SEC11C: variants seen among roughly 807,000 people sequenced by gnomAD.
The protein encoded by SEC11C is signal peptidase complex catalytic subunit SEC11C.
SEC11C carries 10 observed loss-of-function variants against 21.9 expected under a neutral mutation model. The ratio of observed to expected loss-of-function variants is 0.46; its 90% CI spans 0.28 to 0.77. SEC11C has a LOEUF of 0.77. SEC11C is among the 30% of genes least tolerant of loss of function. The pLI, the probability that SEC11C is intolerant of heterozygous loss-of-function variation, is 0.12. For synonymous variants in SEC11C, 83 were observed against 85.6 expected (o/e 0.97, Z 0.17); for missense variants, 145 against 244.5 (o/e 0.59, Z 2.71).
At chr18:59,141,245 G>T (rs2069206932) in intron 1 of SEC11C, among the ~76,000 whole-genome samples, 1 of 152,184 alleles carries the variant, frequency 6.6e-6, no homozygotes, top group Non-Finnish European at 1.5e-5. Context: ...TGTTTAGGAT[G>T]TGGTAGTGTC....
chr18:59,143,332 A>ACT (rs1278211422), intron 1 of SEC11C, among the ~76,000 whole-genome samples: 31 of 140,878 alleles, frequency 2.2e-4, no homozygotes, highest in Non-Finnish European at 4.5e-4. Context: ...CAGTTTGGGC[A>ACT]ACAGAGTGAG....
intron 1 of SEC11C, among the ~76,000 whole-genome samples, chr18:59,144,446 G>T (rs1435750734): frequency 6.6e-6 from 1 of 152,146 alleles, no homozygotes; most frequent in African/African-American, 2.4e-5. Flanking sequence ...AATTTCTTAG[G>T]CAAAGGCTAG....
intron 1 of SEC11C, 155 bp downstream of exon 1, chr18:59,140,190 T>C: frequency 1.7e-6 from 1 of 596,698 alleles, no homozygotes; most frequent in Admixed American, 3.2e-5. Context: ...GTTCTACGCC[T>C]ACGTGTGGGC....
At position 59,139,895 on chromosome 18, in the gene SEC11C, A is replaced by T. The variant is rs1032589372; in HGVS notation, c.-54A>T. 2 of 1,339,932 alleles carry T rather than the reference A, an allele frequency of 1.5e-6. No homozygotes were observed. Among genetic ancestry groups the T allele is most frequent in the Non-Finnish European group, 2.0e-6 (2 of 1,014,290 alleles). The allele number at this position is 1,339,932 out of a possible 1,614,324, so 83.0% of individuals were successfully genotyped here. On this transcript the variant is annotated 5_prime_UTR_variant, in exon 1 of 6. Coordinates refer to ENST00000587834, the MANE Select transcript of SEC11C (RefSeq NM_033280.4). ...GGGCGGGGGCCGGCAGGTGCTCCGC[A>T]GCCGTCTGTGCCACCCAGAGCCGGC...
intron 1 of SEC11C, among the ~76,000 whole-genome samples, chr18:59,146,560 G>A (rs548211840): frequency 6.6e-6 from 1 of 152,270 alleles, no homozygotes; most frequent in African/African-American, 2.4e-5. Flanking sequence ...TCGAAGAAAT[G>A]ATCATGTGTG....
At chr18:59,157,580 A>T in intron 4 of SEC11C, 28 bp from the exon 5 acceptor site, 1 of 1,519,102 alleles carries the variant, frequency 6.6e-7, no homozygotes, top group African/African-American at 1.4e-5. Context: ...CAGCTTTTAT[A>T]TCTCTTGCTT....
intron 2 of SEC11C, among the ~76,000 whole-genome samples, chr18:59,150,495 T>C (rs754543284): frequency 3.9e-5 from 6 of 152,328 alleles, no homozygotes; most frequent in Middle Eastern, 3.4e-3. Context: ...CGCGTTTTCA[T>C]GAATTTAGAA....
chr18:59,157,602 A>G lies in SEC11C; in HGVS notation c.468-6A>G, dbSNP rs779709343. 4 of 1,599,968 alleles carry G rather than the reference A, an allele frequency of 2.5e-6. No homozygotes were observed. Among genetic ancestry groups the G allele is most frequent in the South Asian group, 1.1e-5 (1 of 90,644 alleles). ...TATATCTCTTGCTTTTTATCCCACA[A>G]TTTAGGTTTTTACCATATGTTGGTA... On this transcript the variant is annotated splice_region_variant and splice_polypyrimidine_tract_variant and intron_variant, in intron 4 of 5. Coordinates refer to ENST00000587834, the MANE Select transcript of SEC11C (RefSeq NM_033280.4).
intron 1 of SEC11C, among the ~76,000 whole-genome samples, chr18:59,141,714 T>C (rs761904477): frequency 2.0e-5 from 3 of 152,132 alleles, no homozygotes; most frequent in Non-Finnish European, 4.4e-5. Flanking sequence ...TATGACACTT[T>C]GTCAGGCCTG....
At chr18:59,150,807 A>G (rs2069341503) in intron 2 of SEC11C, among the ~76,000 whole-genome samples, 1 of 152,156 alleles carries the variant, frequency 6.6e-6, no homozygotes, top group Non-Finnish European at 1.5e-5. Context: ...CTCCCTTAAC[A>G]GATAAGAAAC....
intron 2 of SEC11C, among the ~76,000 whole-genome samples, chr18:59,151,321 T>G (rs1027827918): frequency 2.9e-5 from 1 of 34,426 alleles, no homozygotes; most frequent in Non-Finnish European, 5.1e-5. Context: ...CATTTTAGCT[T>G]TTTTTTTTTT....
Position 59,155,788 on chromosome 18 carries a change from G to A in SEC11C, c.448G>A (p.Val150Met), listed in dbSNP as rs115898236. The A allele has an allele frequency of 1.2e-5, 19 of 1,613,846 alleles. No homozygotes were observed. The highest frequency in any genetic ancestry group is 4.0e-5 in the African/African-American group (3 of 75,036). The change falls in exon 4 of 6, where the codon GTG becomes ATG. Residue 150 changes from valine (V) to methionine (M), a missense_variant. Val to Met is a conservative substitution (Grantham distance 21). Coordinates refer to ENST00000587834, the MANE Select transcript of SEC11C (RefSeq NM_033280.4). The part of the protein sequence containing the change: ...EGQNWLEKKD[V>M]VGRARGFLPY... ...CCAGAACTGGCTGGAAAAGAAGGACGTGGTGGGAAGAGCAAGAGGGTGAGG... is the reference window on the plus strand; with the variant it reads ...CCAGAACTGGCTGGAAAAGAAGGACATGGTGGGAAGAGCAAGAGGGTGAGG...
chr18:59,158,785 A>G lies in SEC11C; in HGVS notation c.*100A>G. ...TTCCATTTTCTGTATAAAAGGGAAC[A>G]GTGTGGAGATGTTTTTGTCTTGTCC... is the stretch of plus-strand genomic sequence containing the variant. On this transcript the variant is annotated 3_prime_UTR_variant, in exon 6 of 6. Transcript: ENST00000587834. 1.0e-6 allele frequency: 1 copy of G among 1,003,944 alleles called. No individual in the cohort carries two copies. The highest frequency in any genetic ancestry group is 1.5e-6 in the Non-Finnish European group (1 of 651,566). The allele number at this position is 1,003,944 out of a possible 1,614,324, so 62.2% of individuals were successfully genotyped here. A position where few individuals can be genotyped will look rare whatever the true frequency, so the allele number is the denominator to read the frequency against.
chr18:59,148,839 T>TCTC (rs2069312761), intron 1 of SEC11C, among the ~76,000 whole-genome samples: 1 of 152,030 alleles, frequency 6.6e-6, no homozygotes, highest in Non-Finnish European at 1.5e-5. Flanking sequence ...ATGGTCTTGA[T>TCTC]CTCCTAACCT....
intron 1 of SEC11C, among the ~76,000 whole-genome samples, chr18:59,143,245 C>T (rs1378126232): frequency 1.3e-5 from 2 of 151,054 alleles, no homozygotes; most frequent in African/African-American, 2.4e-5. Flanking sequence ...CCCAGCTACT[C>T]GGCAGGCTGA....
chr18:59,156,933 G>A (rs2069424355), intron 4 of SEC11C: 1 of 152,250 alleles, frequency 6.6e-6, no homozygotes, highest in South Asian at 2.1e-4. Context: ...ATAAGAGAGA[G>A]GATGGAACTA....
At chr18:59,142,673 T>G (rs1435124379) in intron 1 of SEC11C, among the ~76,000 whole-genome samples, 2 of 152,240 alleles carry the variant, frequency 1.3e-5, no homozygotes, top group African/African-American at 4.8e-5. Flanking sequence ...TTTTATCTCT[T>G]CTAACGGCTC....
Position 59,139,912 on chromosome 18 carries a change from A to G in SEC11C, c.-37A>G, listed in dbSNP as rs763784228. On this transcript the variant is annotated 5_prime_UTR_variant, in exon 1 of 6. Coordinates refer to ENST00000587834, the MANE Select transcript of SEC11C (RefSeq NM_033280.4). Reference sequence around the variant, plus strand: ...TGCTCCGCAGCCGTCTGTGCCACCCAGAGCCGGCGGGCCGCTAGGTCCCCG... The same window carrying G: ...TGCTCCGCAGCCGTCTGTGCCACCCGGAGCCGGCGGGCCGCTAGGTCCCCG... 3 of 1,477,916 alleles carry G rather than the reference A, an allele frequency of 2.0e-6. No homozygotes were observed. The highest frequency in any genetic ancestry group is 2.7e-5 in the East Asian group (1 of 37,516). 91.6% of individuals were successfully genotyped at this position (1,477,916 alleles called of 1,614,324 possible). A position where few individuals can be genotyped will look rare whatever the true frequency, so the allele number is the denominator to read the frequency against.
At chr18:59,146,604 G>A (rs1568064516) in intron 1 of SEC11C, among the ~76,000 whole-genome samples, 1 of 152,150 alleles carries the variant, frequency 6.6e-6, no homozygotes, top group Non-Finnish European at 1.5e-5. Context: ...TAAGGTGAGG[G>A]CCGACAGTTA....
Sources: gnomAD v4.1 joint callset for allele counts (sites outside exome capture counted in the v4.1 genomes callset) on GRCh38, gnomAD v4.1.1 for gene constraint, MANE v1.5 for transcripts, NCBI Gene and HGNC (gene_info 2026-07-23, HGNC 2026-07-21) for gene names.